The following EBF2 variants were observed in gnomAD, a reference collection of about 807,000 sequenced individuals.
EBF2 encodes the protein EBF transcription factor 2.
In EBF2, 21 loss-of-function variants were observed where a neutral mutation model predicts 72.8. The observed-to-expected ratio is 0.29, with a 90% CI of 0.20 to 0.42. The LOEUF (loss-of-function observed/expected upper bound fraction) is 0.42, where lower values mean the gene tolerates loss of function less well. Among genes scored for constraint, EBF2 ranks in the 10% least tolerant of loss-of-function variants. The pLI is 1.00. For synonymous variants in EBF2, 299 were observed against 274.2 expected, an observed-to-expected ratio of 1.09 and a Z score of -0.89; for missense variants, 637 against 731.2, an observed-to-expected ratio of 0.87 and a Z score of 1.49.
At chr8:25,946,330 C>T (rs1191188000) in intron 6 of EBF2, among the ~76,000 whole-genome samples, 2 of 152,186 alleles carry the variant, frequency 1.3e-5, no homozygotes, top group South Asian at 2.1e-4. Context: ...AGACCTATAC[C>T]TTCTTCATAA....
chr8:26,040,246 G>A, intron 4 of EBF2, 145 bp from the exon 5 acceptor site: 1 of 873,844 alleles, frequency 1.1e-6, no homozygotes, highest in Non-Finnish European at 1.8e-6. Context: ...CACATTCTGC[G>A]CGGTTGCCGA....
intron 10 of EBF2, among the ~76,000 whole-genome samples, chr8:25,866,244 A>G (rs1802312568): frequency 6.6e-6 from 1 of 151,718 alleles, no homozygotes; most frequent in Non-Finnish European, 1.5e-5. Flanking sequence ...CAAAATGACA[A>G]TAAAGTTGGA....
intron 7 of EBF2, among the ~76,000 whole-genome samples, chr8:25,891,287 C>T (rs899449376): frequency 6.6e-6 from 1 of 152,084 alleles, no homozygotes; most frequent in Non-Finnish European, 1.5e-5. Flanking sequence ...CTGGGTGGAG[C>T]TCCCACCGAA....
chr8:25,886,698 A>G (rs1802694267), intron 10 of EBF2, 57 bp downstream of exon 10: 2 of 1,550,348 alleles, frequency 1.3e-6, no homozygotes, highest in South Asian at 2.6e-5. Flanking sequence ...AGATACTGGG[A>G]ACTAGCGCAA....
intron 13 of EBF2, among the ~76,000 whole-genome samples, chr8:25,860,247 T>C (rs1802188401): frequency 6.6e-6 from 1 of 152,226 alleles, no homozygotes; most frequent in South Asian, 2.1e-4. Context: ...TCTTTATATT[T>C]GTTTGTTGTT....
intron 6 of EBF2, among the ~76,000 whole-genome samples, chr8:25,917,191 G>A (rs932533002): frequency 2.4e-5 from 3 of 125,238 alleles, no homozygotes; most frequent in Non-Finnish European, 5.0e-5. Context: ...GTGTGTTTGT[G>A]GTTTGGGGTT....
intron 6 of EBF2, among the ~76,000 whole-genome samples, chr8:25,950,888 G>T (rs1274888935): frequency 5.3e-5 from 8 of 152,054 alleles, no homozygotes. Flanking sequence ...AAAGGAAGCA[G>T]AGTTTTAAAA....
At chr8:25,931,395 T>G (rs573770762) in intron 6 of EBF2, among the ~76,000 whole-genome samples, 1 of 152,320 alleles carries the variant, frequency 6.6e-6, no homozygotes, top group African/African-American at 2.4e-5. Context: ...CAGCAAGGTT[T>G]GGACGACTTG....
intron 6 of EBF2, among the ~76,000 whole-genome samples, chr8:26,022,031 C>A (rs771449412): frequency 6.6e-5 from 10 of 152,212 alleles, no homozygotes; most frequent in Admixed American, 1.3e-4. Flanking sequence ...CATCAGTTTG[C>A]CCCAAGCCAT....
chr8:25,907,667 T>A (rs796755986), intron 7 of EBF2, among the ~76,000 whole-genome samples: 23 of 152,084 alleles, frequency 1.5e-4, no homozygotes, highest in African/African-American at 4.8e-4. Flanking sequence ...AGGTTCCCCA[T>A]CTCTCTCATG....
chr8:25,895,554 A>G (rs1005892105), intron 7 of EBF2, among the ~76,000 whole-genome samples: 4 of 152,254 alleles, frequency 2.6e-5, no homozygotes, highest in Admixed American at 2.6e-4. Context: ...AACGGAATCT[A>G]CAAGTACGTT....
intron 6 of EBF2, among the ~76,000 whole-genome samples, chr8:25,987,026 G>T (rs564550417): frequency 1.3e-5 from 2 of 148,842 alleles, no homozygotes; most frequent in African/African-American, 4.9e-5. Context: ...CAAAGCCACT[G>T]GTCTAGATTT....
intron 6 of EBF2, among the ~76,000 whole-genome samples, chr8:25,964,008 T>C (rs1241837321): frequency 1.3e-5 from 2 of 152,198 alleles, no homozygotes; most frequent in Admixed American, 1.3e-4. Context: ...GATGAAGCAC[T>C]GTCTATATAG....
chr8:25,876,160 G>A (rs1289648227), intron 10 of EBF2, among the ~76,000 whole-genome samples: 1 of 152,132 alleles, frequency 6.6e-6, no homozygotes, highest in Non-Finnish European at 1.5e-5. Context: ...ACTAACATGG[G>A]AACACAAAAC....
At chr8:25,894,488 C>T (rs1221432761) in intron 7 of EBF2, among the ~76,000 whole-genome samples, 3 of 152,158 alleles carry the variant, frequency 2.0e-5, no homozygotes, top group Non-Finnish European at 4.4e-5. Context: ...GAAGGCTGAC[C>T]CTTCCCATCT....
intron 6 of EBF2, among the ~76,000 whole-genome samples, chr8:25,926,293 C>A (rs776787574): frequency 7.9e-5 from 12 of 152,164 alleles, no homozygotes; most frequent in South Asian, 4.1e-4. Context: ...CTGGCTCCCC[C>A]ACTTTCACTG....
chr8:25,953,278 A>G (rs920666507), intron 6 of EBF2, among the ~76,000 whole-genome samples: 2 of 152,206 alleles, frequency 1.3e-5, no homozygotes, highest in Non-Finnish European at 1.5e-5. Flanking sequence ...ATTGATCACC[A>G]TGTCTTCAAT....
intron 7 of EBF2, among the ~76,000 whole-genome samples, chr8:25,891,499 C>G (rs923908393): frequency 1.3e-5 from 2 of 152,000 alleles, no homozygotes; most frequent in African/African-American, 2.4e-5. Context: ...TGTCTACTCC[C>G]AAATTAAAAC....
At position 26,042,263 on chromosome 8, in the gene EBF2, GA is replaced by G; in HGVS notation, c.132-13del. On this transcript the variant is annotated splice_polypyrimidine_tract_variant and intron_variant, in intron 1 of 15. Coordinates refer to ENST00000520164, the MANE Select transcript of EBF2 (RefSeq NM_022659.4). Reference sequence around the variant, plus strand: ...ACAGGGCGACCCCGCTGCACAGGGAGAAAAACGGGGGAACACAAGACACGGG... The same window carrying G: ...ACAGGGCGACCCCGCTGCACAGGGAGAAAACGGGGGAACACAAGACACGGG... The G allele has an allele frequency of 6.2e-7, 1 of 1,608,330 alleles. No homozygotes were observed. The highest frequency in any genetic ancestry group is 8.5e-7 in the Non-Finnish European group (1 of 1,176,970).
Sources: allele counts gnomAD v4.1 joint callset (sites outside exome capture counted in the v4.1 genomes callset), GRCh38; gene constraint gnomAD v4.1.1; transcripts MANE v1.5; gene names NCBI Gene and HGNC (gene_info 2026-07-23, HGNC 2026-07-21).